The following TMEM45B variants were observed in gnomAD, a reference collection of about 807,000 sequenced individuals.
The protein encoded by TMEM45B is transmembrane protein 45B.
In TMEM45B, 29 loss-of-function variants were observed where a neutral mutation model predicts 27.3. That is an observed-to-expected ratio of 1.06 (90% CI 0.79 to 1.45). The LOEUF (loss-of-function observed/expected upper bound fraction) is 1.45. TMEM45B is among the 40% of genes most tolerant of loss of function. TMEM45B has a pLI of 0.00. For synonymous variants in TMEM45B, 143 were observed against 134.7 expected, an observed-to-expected ratio of 1.06 and a Z score of -0.43; for missense variants, 348 against 343.9, an observed-to-expected ratio of 1.01 and a Z score of -0.09.
In TMEM45B at chr11:129,856,808, C is replaced by T. The variant is rs555249762; in HGVS notation, c.571-505C>T. Among the ~76,000 whole-genome samples the T allele has an allele frequency of 4.0e-3, 605 of 151,782 alleles. 4 individuals are homozygous for T. Among genetic ancestry groups the T allele is most frequent in the African/African-American group, 0.014 (568 of 41,372 alleles). ...TCTCCTGACCTCATTATCCACCCAC[C>T]TCAGCCTCCCAAAGTGCTAGGATTA... On this transcript the variant is annotated intron_variant, in intron 4 of 5. Coordinates refer to ENST00000281441, the MANE Select transcript of TMEM45B (RefSeq NM_138788.5).
intron 1 of TMEM45B, chr11:129,826,958 G>T (rs1243971742): frequency 6.6e-6 from 1 of 152,198 alleles, no homozygotes; most frequent in Admixed American, 6.5e-5. Context: ...ACCTCCCAAA[G>T]TGTTGGGATT....
intron 1 of TMEM45B, among the ~76,000 whole-genome samples, chr11:129,840,946 TAAAAAAA>T (rs55905045): frequency 0.013 from 392 of 29,274 alleles, 3 homozygotes; most frequent in Non-Finnish European, 0.018. Flanking sequence ...TTTCTTTCTG[TAAAAAAA>T]AAAAAAAAAA....
At chr11:129,830,796 C>T (rs1463181014) in intron 1 of TMEM45B, among the ~76,000 whole-genome samples, 1 of 152,160 alleles carries the variant, frequency 6.6e-6, no homozygotes, top group Non-Finnish European at 1.5e-5. Context: ...AAAGACATAA[C>T]AAGTGTTGGC....
chr11:129,832,434 T>C, intron 1 of TMEM45B, among the ~76,000 whole-genome samples: 1 of 152,088 alleles, frequency 6.6e-6, no homozygotes. Context: ...TTGAAAACAT[T>C]ATGCTGAGGG....
At chr11:129,834,152 C>T (rs147320747) in intron 1 of TMEM45B, among the ~76,000 whole-genome samples, 3,556 of 152,246 alleles carry the variant, frequency 0.023, 150 homozygotes, top group African/African-American at 0.081. Flanking sequence ...GGACATTAGC[C>T]GGGCGCGGTG....
rs1043720380 is a variant in TMEM45B at position 129,859,543 on chromosome 11, A to G, written c.*858A>G. On this transcript the variant is annotated 3_prime_UTR_variant, in exon 6 of 6. Coordinates refer to ENST00000281441, the MANE Select transcript of TMEM45B (RefSeq NM_138788.5). Reference sequence around the variant, plus strand: ...TTCTGGATCTGTTCTTTTTTTAAAAAAACTTCCTTCACCGCGCCTATAATC... The same window carrying G: ...TTCTGGATCTGTTCTTTTTTTAAAAGAACTTCCTTCACCGCGCCTATAATC... The G allele has an allele frequency of 6.6e-6, 1 of 152,130 alleles. No homozygotes were observed. Among genetic ancestry groups the G allele is most frequent in the East Asian group, 1.9e-4 (1 of 5,194 alleles). The allele number at this position is 152,130 out of a possible 1,614,324, so 9.4% of individuals were successfully genotyped here.
rs564064955 is a variant in TMEM45B, at chr11:129,852,265, TACAG to T, written c.-8-205_-8-202del. ...TATTTTACCCACATGTTTAAAGCAT[TACAG>T]ACAGTGGAGTCCAGTTGGTTATGCA... On this transcript the variant is annotated intron_variant, in intron 1 of 5. Coordinates refer to ENST00000281441, the MANE Select transcript of TMEM45B (RefSeq NM_138788.5). Among the ~76,000 whole-genome samples, 56 of 152,304 alleles carry T rather than the reference TACAG, an allele frequency of 3.7e-4. No homozygotes were observed. In the East Asian group the frequency reaches 0.011, roughly 29 times the overall value.
At chr11:129,838,007 C>A (rs61916118) in intron 1 of TMEM45B, among the ~76,000 whole-genome samples, 40,062 of 151,786 alleles carry the variant, frequency 0.26, 5,948 homozygotes, top group East Asian at 0.35. Context: ...GTCTCAAATT[C>A]CTGATCTCAG....
intron 1 of TMEM45B, among the ~76,000 whole-genome samples, chr11:129,843,908 T>G (rs1479346182): frequency 6.6e-6 from 1 of 152,158 alleles, no homozygotes; most frequent in Non-Finnish European, 1.5e-5. Flanking sequence ...AAATTAAAAA[T>G]AGAGCTACCC....
intron 1 of TMEM45B, among the ~76,000 whole-genome samples, chr11:129,842,217 G>A (rs113876867): frequency 3.3e-5 from 5 of 152,286 alleles, no homozygotes; most frequent in Admixed American, 6.5e-5. Context: ...AATGGAAGCC[G>A]CAGAAAGGGA....
intron 1 of TMEM45B, among the ~76,000 whole-genome samples, chr11:129,834,621 G>T (rs1591439847): frequency 6.6e-6 from 1 of 151,950 alleles, no homozygotes; most frequent in African/African-American, 2.4e-5. Context: ...GACCAGCCTG[G>T]CCAACATGGT....
At chr11:129,841,659 T>C (rs483924) in intron 1 of TMEM45B, among the ~76,000 whole-genome samples, 130,244 of 148,382 alleles carry the variant, frequency 0.88, 57,875 homozygotes, top group East Asian at 1. Flanking sequence ...TGCAGTGACG[T>C]GATCTCAGCT....
rs1947343444 is a variant in TMEM45B, at chr11:129,815,873, A to C, written c.-34A>C. 7.7e-7 allele frequency: 1 copy of C among 1,306,316 alleles called. No homozygotes were observed. Among genetic ancestry groups the C allele is most frequent in the Non-Finnish European group, 9.7e-7 (1 of 1,035,782 alleles). The allele number at this position is 1,306,316 out of a possible 1,614,324, so 80.9% of individuals were successfully genotyped here. ...GCACTTGGCGCGCGGCGCGGGCTGC[A>C]GACGGCTGCGAGGCGCTGGGCACAG... On this transcript the variant is annotated 5_prime_UTR_variant, in exon 1 of 6. Transcript: ENST00000281441.
Position 129,854,597 on chromosome 11 carries a change from C to T in TMEM45B, c.179-13C>T, listed in dbSNP as rs979147285. ...CTCTTCCCTCTAAAACATCCATCCT[C>T]ATTTCCCTGCAGGGATCCTGGCAGA... On this transcript the variant is annotated splice_polypyrimidine_tract_variant and intron_variant, in intron 2 of 5. Coordinates refer to ENST00000281441, the MANE Select transcript of TMEM45B (RefSeq NM_138788.5). 21 of 1,613,706 alleles carry T rather than the reference C, an allele frequency of 1.3e-5. No individual in the cohort carries two copies. The highest frequency in any genetic ancestry group is 1.7e-5 in the Non-Finnish European group (20 of 1,179,674).
At chr11:129,840,599 C>T (rs561236339) in intron 1 of TMEM45B, among the ~76,000 whole-genome samples, 71 of 152,086 alleles carry the variant, frequency 4.7e-4, no homozygotes, top group African/African-American at 1.5e-3. Context: ...AAAAAGAAAG[C>T]GGGCTGGGCA....
rs1351405707 is a variant in TMEM45B at position 129,832,338 on chromosome 11, C to A, written c.-9+16440C>A. On this transcript the variant is annotated intron_variant, in intron 1 of 5. Transcript: ENST00000281441. The stretch of plus-strand genomic sequence containing the variant: ...TGAGCCGAGATCGCACCACTGCACT[C>A]CAGCCTGGGCGACAGACTGAGACTG... 3.3e-5 allele frequency among the ~76,000 whole-genome samples: 5 copies of A among 152,268 alleles called. No homozygotes were observed. In the East Asian group the frequency reaches 9.6e-4, roughly 29 times the overall value.
At chr11:129,843,796 AC>A (rs1947725713) in intron 1 of TMEM45B, among the ~76,000 whole-genome samples, 1 of 152,298 alleles carries the variant, frequency 6.6e-6, no homozygotes, top group South Asian at 2.1e-4. Flanking sequence ...AAAAAACAAA[AC>A]AAGATTGGTG....
rs940705498 is a variant in TMEM45B, at chr11:129,825,091, T to TGTACAC, written c.-9+9195_-9+9200dup. On this transcript the variant is annotated intron_variant, in intron 1 of 5. Transcript: ENST00000281441. ...TCCATCCTCCAGTAGTGTAGTCAGA[T>TGTACAC]GTACACGGAAGGTGGATGACTGGCT... is the stretch of plus-strand genomic sequence containing the variant. 1.8e-4 allele frequency among the ~76,000 whole-genome samples: 28 copies of TGTACAC among 152,228 alleles called. No individual in the cohort carries two copies. In the South Asian group the frequency reaches 3.7e-3, roughly 20 times the overall value.
chr11:129,837,608 G>C (rs1010719004), intron 1 of TMEM45B, among the ~76,000 whole-genome samples: 24 of 41,354 alleles, frequency 5.8e-4, no homozygotes, highest in African/African-American at 1.7e-3. Flanking sequence ...TTTGAGACAG[G>C]GTCTCCTCTG....
Sources: gnomAD v4.1 joint callset for allele counts (sites outside exome capture counted in the v4.1 genomes callset) on GRCh38, gnomAD v4.1.1 for gene constraint, MANE v1.5 for transcripts, NCBI Gene and HGNC (gene_info 2026-07-23, HGNC 2026-07-21) for gene names.